ERCC6L2: variants seen among roughly 807,000 people sequenced by gnomAD.
ERCC6L2 encodes DNA excision repair protein ERCC-6-like 2.
ERCC6L2 carries 77 observed loss-of-function variants against 132.0 expected under a neutral mutation model. The observed-to-expected ratio is 0.58, with a 90% CI of 0.49 to 0.71. ERCC6L2 has a LOEUF of 0.71. Among genes scored for constraint, ERCC6L2 ranks in the 30% least tolerant of loss-of-function variants. The pLI is 0.00. For synonymous variants in ERCC6L2, 583 were observed against 632.4 expected, an observed-to-expected ratio of 0.92 and a Z score of 1.17; for missense variants, 1,542 against 1,837.6, an observed-to-expected ratio of 0.84 and a Z score of 2.94.
At chr9:96,028,727 TA>T (rs1440464673) in intron 19 of ERCC6L2, among the ~76,000 whole-genome samples, 1 of 152,176 alleles carries the variant, frequency 6.6e-6, no homozygotes, top group Non-Finnish European at 1.5e-5. Flanking sequence ...TTCTTGCAAC[TA>T]AAAGACTGAC....
At chr9:95,953,342 C>T (rs1035525163) in intron 12 of ERCC6L2, among the ~76,000 whole-genome samples, 2 of 151,998 alleles carry the variant, frequency 1.3e-5, no homozygotes, top group Non-Finnish European at 2.9e-5. Flanking sequence ...TTTGGGAGGC[C>T]GAGGCAGGCG....
rs746946004 is a variant in ERCC6L2 at position 95,899,600 on chromosome 9, A to ATATGTG, written c.594+1630_594+1631insATGTGT. ...TTTCTTTTTTTCTCTTTATATATAT[A>ATATGTG]TGTGTGTGTGTGTGTGTGTGTGTGT... On this transcript the variant is annotated intron_variant, in intron 3 of 18. Transcript: ENST00000653738. Among the ~76,000 whole-genome samples the ATATGTG allele has an allele frequency of 3.3e-3, 447 of 134,884 alleles. 3 individuals are homozygous for ATATGTG. Among genetic ancestry groups the ATATGTG allele is most frequent in the East Asian group, 0.017 (74 of 4,466 alleles). The allele number at this position is 134,884 out of a possible 152,430, so 88.5% of individuals were successfully genotyped here. A position where few individuals can be genotyped will look rare whatever the true frequency, so the allele number is the denominator to read the frequency against.
At chr9:95,971,906 A>G in intron 15 of ERCC6L2, 27 bp from the exon 16 acceptor site, 3 of 1,239,514 alleles carry the variant, frequency 2.4e-6, no homozygotes, top group Non-Finnish European at 3.1e-6. Flanking sequence ...AGGTTTTCTG[A>G]TGTTTTTGTC....
At chr9:95,910,601 G>A (rs190485603) in intron 4 of ERCC6L2, among the ~76,000 whole-genome samples, 192 of 152,122 alleles carry the variant, frequency 1.3e-3, no homozygotes, top group African/African-American at 4.1e-3. Flanking sequence ...TTAATATTTG[G>A]AGTGAGTCTC....
intron 17 of ERCC6L2, among the ~76,000 whole-genome samples, chr9:95,992,695 C>T (rs571748675): frequency 1.3e-5 from 2 of 152,266 alleles, no homozygotes; most frequent in African/African-American, 4.8e-5. Flanking sequence ...ACTGGAGAGC[C>T]ATTTGGTTGC....
intron 17 of ERCC6L2, among the ~76,000 whole-genome samples, chr9:95,994,299 A>G (rs763071441): frequency 6.6e-6 from 1 of 152,128 alleles, no homozygotes; most frequent in Non-Finnish European, 1.5e-5. Flanking sequence ...CCTTAGAATC[A>G]GAACTTTTAA....
intron 4 of ERCC6L2, among the ~76,000 whole-genome samples, chr9:95,907,945 TAG>T (rs748879798): frequency 4.3e-4 from 65 of 151,652 alleles, no homozygotes; most frequent in Non-Finnish European, 8.5e-4. Context: ...GAAAAGATTA[TAG>T]AGAGTATTGG....
chr9:96,020,862 G>A (rs1251428312), downstream of ERCC6L2: 2 of 456,744 alleles, frequency 4.4e-6, no homozygotes. Context: ...AACGTGGGCT[G>A]TTTGGTGCGG....
rs749187263 is a variant in ERCC6L2 at position 95,928,744 on chromosome 9, G to A, written c.1631G>A (p.Cys544Tyr). ...TKLLDVLQQY[C>Y]MASGLDYRRL... is the part of the protein sequence containing the mutation. The stretch of plus-strand genomic sequence containing the variant: ...TTGCTTGACGTGCTACAGCAGTACT[G>A]TATGGCGTCTGGGCTTGATTACCGA... Residue 544 changes from cysteine to tyrosine, a missense_variant, in exon 11 of 19, where the codon TGT (cysteine) becomes TAT (tyrosine). Around this residue, in one of 4 missense-constraint regions of ERCC6L2, gnomAD observed 945 missense variants for 1,105.2 expected, o/e 0.86. Coordinates refer to ENST00000653738, the MANE Select transcript of ERCC6L2 (RefSeq NM_020207.7). 8.7e-6 allele frequency: 14 copies of A among 1,612,676 alleles called. No homozygotes were observed. Among genetic ancestry groups the A allele is most frequent in the Non-Finnish European group, 1.2e-5 (14 of 1,179,494 alleles).
chr9:95,978,122 T>C lies in ERCC6L2; in HGVS notation c.3399T>C (p.Ala1133=). Residue 1133 remains alanine (A), a synonymous_variant, in exon 17 of 19, where the codon GCT becomes GCC. Coordinates refer to ENST00000653738, the MANE Select transcript of ERCC6L2 (RefSeq NM_020207.7). The part of the protein sequence containing the change: ...SNQNVIGSSK[A]ENHMSRWAAH... ...AGAATGTAATTGGATCGAGCAAAGC[T>C]GAAAATCACATGAGCCGATGGGCAG... 7.3e-7 allele frequency: 1 copy of C among 1,367,470 alleles called. No individual in the cohort carries two copies. Among genetic ancestry groups the C allele is most frequent in the Non-Finnish European group, 9.8e-7 (1 of 1,021,776 alleles). 84.7% of individuals were successfully genotyped at this position (1,367,470 alleles called of 1,614,324 possible). A position where few individuals can be genotyped will look rare whatever the true frequency, so the allele number is the denominator to read the frequency against.
intron 19 of ERCC6L2, among the ~76,000 whole-genome samples, chr9:96,032,219 C>G (rs1273088425): frequency 6.6e-6 from 1 of 152,066 alleles, no homozygotes; most frequent in Non-Finnish European, 1.5e-5. Flanking sequence ...CAGGGAAAGG[C>G]CAGGGACCCC....
chr9:95,890,476 G>T (rs1335199382), intron 2 of ERCC6L2, among the ~76,000 whole-genome samples: 2 of 152,148 alleles, frequency 1.3e-5, no homozygotes, highest in African/African-American at 4.8e-5. Context: ...TTTGTGATAA[G>T]TCCTGCAAAT....
intron 12 of ERCC6L2, among the ~76,000 whole-genome samples, chr9:95,944,263 AG>A (rs1419702966): frequency 1.3e-5 from 2 of 152,254 alleles, no homozygotes; most frequent in African/African-American, 4.8e-5. Flanking sequence ...ACATGAAATA[AG>A]CCAGATATGA....
chr9:95,961,571 T>C (rs976595745), intron 13 of ERCC6L2, among the ~76,000 whole-genome samples: 5 of 152,174 alleles, frequency 3.3e-5, no homozygotes, highest in Admixed American at 1.3e-4. Context: ...CTAAGGCAAA[T>C]ACAGAGTATT....
intron 12 of ERCC6L2, among the ~76,000 whole-genome samples, chr9:95,946,025 G>C (rs1352680113): frequency 6.6e-6 from 1 of 152,036 alleles, no homozygotes; most frequent in Non-Finnish European, 1.5e-5. Context: ...TCAAATCAGG[G>C]AGATGGTAAC....
intron 18 of ERCC6L2, among the ~76,000 whole-genome samples, chr9:96,007,106 G>A (rs1384175779): frequency 6.6e-6 from 1 of 152,208 alleles, no homozygotes; most frequent in African/African-American, 2.4e-5. Context: ...GGACAAGGGA[G>A]GCTGATGGAT....
intron 2 of ERCC6L2, among the ~76,000 whole-genome samples, chr9:95,890,425 C>T (rs944059337): frequency 6.6e-6 from 1 of 152,108 alleles, no homozygotes; most frequent in Non-Finnish European, 1.5e-5. Context: ...TGCCCAGTGT[C>T]ACATAGCTAG....
intron 19 of ERCC6L2, among the ~76,000 whole-genome samples, chr9:96,035,524 G>A (rs1407606965): frequency 6.6e-6 from 1 of 152,186 alleles, no homozygotes; most frequent in Non-Finnish European, 1.5e-5. Context: ...TGCAGAGAGA[G>A]TGGGGCAACC....
At chr9:95,889,775 C>G (rs1384553629) in intron 2 of ERCC6L2, among the ~76,000 whole-genome samples, 2 of 151,992 alleles carry the variant, frequency 1.3e-5, no homozygotes, top group Non-Finnish European at 2.9e-5. Flanking sequence ...TCAAGGAATT[C>G]AGTAAATTCT....
Sources: gnomAD v4.1 joint callset for allele counts (sites outside exome capture counted in the v4.1 genomes callset) on GRCh38, gnomAD v4.1.1 for gene constraint, gnomAD v4.1.1 regional missense constraint, MANE v1.5 for transcripts, NCBI Gene and HGNC (gene_info 2026-07-23, HGNC 2026-07-21) for gene names.